The following IMPG1 variants were observed in gnomAD, a reference collection of about 807,000 sequenced individuals.
IMPG1 encodes the protein interphotoreceptor matrix proteoglycan 1.
A neutral mutation model predicts 92.0 loss-of-function variants in IMPG1; 85 were observed. That is an observed-to-expected ratio of 0.92 (90% CI 0.78 to 1.11). The LOEUF is 1.11. Ranked by LOEUF, IMPG1 falls within the 50% of genes least tolerant of loss-of-function variation. The pLI is 0.00. For synonymous variants in IMPG1, 367 were observed against 334.1 expected, an observed-to-expected ratio of 1.10 and a Z score of -1.08; for missense variants, 1,022 against 956.0, an observed-to-expected ratio of 1.07 and a Z score of -0.91.
rs759162476 is a variant in IMPG1, at chr6:75,947,465, C to T, written c.1893G>A (p.Gly631=). ...KQLEILNFRN[G]SVIVNSKMKF... ...TCATTTTGCTATTCACAATCACACT[C>T]CCGTTTCTGAAGTTAAGTATTTCAA... Residue 631 remains glycine (G), a synonymous_variant, in exon 14 of 17, where the codon GGG becomes GGA. Coordinates refer to ENST00000369950, the MANE Select transcript of IMPG1 (RefSeq NM_001563.4). The T allele has an allele frequency of 6.2e-7, 1 of 1,613,662 alleles. No individual in the cohort carries two copies. The highest frequency in any genetic ancestry group is 8.5e-7 in the Non-Finnish European group (1 of 1,179,814).
At chr6:76,022,304 T>C in intron 5 of IMPG1, 85 bp from the exon 6 acceptor site, 1 of 644,446 alleles carries the variant, frequency 1.6e-6, no homozygotes, top group East Asian at 3.5e-5. Context: ...ATATGCTTTT[T>C]CTGTCATTCT....
intron 14 of IMPG1, among the ~76,000 whole-genome samples, chr6:75,932,157 T>C (rs538152822): frequency 1.3e-5 from 2 of 152,342 alleles, no homozygotes; most frequent in Non-Finnish European, 2.9e-5. Context: ...TAGGGGAAAA[T>C]GCGTACAGAT....
At chr6:75,924,453 T>TAAC (rs1781487119) in intron 15 of IMPG1, among the ~76,000 whole-genome samples, 1 of 104,132 alleles carries the variant, frequency 9.6e-6, no homozygotes, top group Admixed American at 1.6e-4. Context: ...TAATATAACA[T>TAAC]AATTATATAA....
chr6:76,003,885 C>T lies in IMPG1; in HGVS notation c.1201G>A (p.Val401Ile). The change falls in exon 11 of 17, where the codon GTT (valine) becomes ATT (isoleucine). Residue 401 changes from valine to isoleucine, a missense_variant. Val to Ile is a conservative substitution (Grantham distance 29, BLOSUM62 3). Transcript: ENST00000369950. ...TQSELPTSFA[V>I]ITEDATLSPE... is the part of the protein sequence containing the mutation. The stretch of plus-strand genomic sequence containing the variant: ...GACAACAAACTTACCTCTGTTATAA[C>T]AGCAAAAGATGTGGGCAGCTCTGAT... 6.2e-7 allele frequency: 1 copy of T among 1,612,398 alleles called. No homozygotes were observed. The highest frequency in any genetic ancestry group is 1.1e-5 in the South Asian group (1 of 90,828).
chr6:75,947,274 AC>A, intron 14 of IMPG1, 39 bp downstream of exon 14: 1 of 1,500,362 alleles, frequency 6.7e-7, no homozygotes, highest in East Asian at 2.3e-5. Context: ...AAAAAAATGA[AC>A]AAAACATCTC....
chr6:75,984,020 T>C (rs1286991048), intron 12 of IMPG1, among the ~76,000 whole-genome samples: 1 of 152,114 alleles, frequency 6.6e-6, no homozygotes, highest in Non-Finnish European at 1.5e-5. Flanking sequence ...CAACGAGATA[T>C]TACCTCATAC....
At chr6:76,020,257 C>T (rs2765807) in intron 6 of IMPG1, among the ~76,000 whole-genome samples, 150,365 of 152,192 alleles carry the variant, frequency 0.99, 74,299 homozygotes, top group East Asian at 1. Context: ...CTCCCAGTCT[C>T]GCCTAGGCTG....
At chr6:75,978,175 T>C (rs1288505068) in intron 12 of IMPG1, among the ~76,000 whole-genome samples, 2 of 151,096 alleles carry the variant, frequency 1.3e-5, no homozygotes, top group Non-Finnish European at 3.0e-5. Context: ...ACTTTTCCCA[T>C]TATTTGATTC....
intron 1 of IMPG1, among the ~76,000 whole-genome samples, chr6:76,065,122 G>A (rs1437451174): frequency 6.6e-6 from 1 of 152,006 alleles, no homozygotes; most frequent in African/African-American, 2.4e-5. Context: ...ATTCAAAAAT[G>A]AAAGAAGAGG....
chr6:75,937,323 G>T (rs116555350), intron 14 of IMPG1, among the ~76,000 whole-genome samples: 1 of 151,720 alleles, frequency 6.6e-6, no homozygotes, highest in Non-Finnish European at 1.5e-5. Flanking sequence ...TTCATTTGGC[G>T]AAGTGTAGAA....
In IMPG1 at chr6:76,032,492, T is replaced by G. The variant is rs141193823; in HGVS notation, c.497+1823A>C. Among the ~76,000 whole-genome samples the G allele has an allele frequency of 2.5e-3, 387 of 152,292 alleles. 2 individuals carry two copies. Among genetic ancestry groups the G allele is most frequent in the Non-Finnish European group, 4.6e-3 (314 of 68,028 alleles). On this transcript the variant is annotated intron_variant, in intron 4 of 16. Transcript: ENST00000369950. The stretch of plus-strand genomic sequence containing the variant: ...GAGTGGCTTGATAGACATAATTGAT[T>G]AACAAAATATATGAGGATTTTGCTC...
intron 12 of IMPG1, among the ~76,000 whole-genome samples, chr6:75,984,771 C>T (rs1460814014): frequency 6.6e-6 from 1 of 152,130 alleles, no homozygotes; most frequent in African/African-American, 2.4e-5. Flanking sequence ...TTAGTGCCAT[C>T]CCCTTGGCTA....
chr6:75,984,368 A>T, intron 12 of IMPG1, among the ~76,000 whole-genome samples: 1 of 152,240 alleles, frequency 6.6e-6, no homozygotes, highest in Non-Finnish European at 1.5e-5. Flanking sequence ...CACACAATGA[A>T]AAGCTATTCA....
At chr6:76,046,129 T>C (rs1352251883) in intron 1 of IMPG1, among the ~76,000 whole-genome samples, 1 of 152,154 alleles carries the variant, frequency 6.6e-6, no homozygotes, top group South Asian at 2.1e-4. Context: ...AGTTGAAAAT[T>C]ACTTTCTGAT....
chr6:75,962,892 T>A (rs1459749576), intron 12 of IMPG1, among the ~76,000 whole-genome samples: 1 of 151,932 alleles, frequency 6.6e-6, no homozygotes, highest in Non-Finnish European at 1.5e-5. Context: ...AATACAAAAA[T>A]TAGCCAGGTG....
At chr6:75,944,580 C>T (rs1258952725) in intron 14 of IMPG1, among the ~76,000 whole-genome samples, 1 of 152,058 alleles carries the variant, frequency 6.6e-6, no homozygotes, top group Non-Finnish European at 1.5e-5. Flanking sequence ...TTTGGCAGCC[C>T]TCTTGCATAG....
chr6:75,951,361 C>T (rs1016661770), intron 12 of IMPG1, among the ~76,000 whole-genome samples: 1 of 151,986 alleles, frequency 6.6e-6, no homozygotes, highest in Non-Finnish European at 1.5e-5. Flanking sequence ...ACTAAAAGAG[C>T]ACCAGTTAAC....
intron 12 of IMPG1, among the ~76,000 whole-genome samples, chr6:75,955,020 G>A (rs1173995039): frequency 3.3e-5 from 5 of 152,150 alleles, no homozygotes; most frequent in South Asian, 2.1e-4. Context: ...CTGTAGGCTT[G>A]TAGTATAGTT....
chr6:75,978,013 C>T (rs1340076236), intron 12 of IMPG1, among the ~76,000 whole-genome samples: 1 of 152,084 alleles, frequency 6.6e-6, no homozygotes, highest in Non-Finnish European at 1.5e-5. Flanking sequence ...CAGTCTCCAA[C>T]TCCTGTACTC....
Sources: gnomAD v4.1 joint callset for allele counts (sites outside exome capture counted in the v4.1 genomes callset) on GRCh38, gnomAD v4.1.1 for gene constraint, MANE v1.5 for transcripts, NCBI Gene and HGNC (gene_info 2026-07-23, HGNC 2026-07-21) for gene names.